Variants in MSN observed in about 807,000 individuals in gnomAD.
MSN encodes epididymis luminal protein 70.
In MSN, 2 loss-of-function variants were observed where a neutral mutation model predicts 48.0. The observed-to-expected ratio is 0.04, with a 90% CI of 0.02 to 0.13. MSN has a LOEUF of 0.13. Among genes scored for constraint, MSN ranks in the 10% least tolerant of loss-of-function variants. MSN has a pLI of 1.00. For synonymous variants in MSN, 146 were observed against 166.9 expected, an observed-to-expected ratio of 0.87 and a Z score of 0.97; for missense variants, 267 against 470.1, an observed-to-expected ratio of 0.57 and a Z score of 3.99.
intron 1 of MSN, among the ~76,000 whole-genome samples, chrX:65,690,741 C>T (rs932871893): frequency 9.0e-6 from 1 of 111,551 alleles, no homozygotes; most frequent in Non-Finnish European, 1.9e-5. Flanking sequence ...TCTCTGCTTC[C>T]TGCTTCAGCT....
intron 1 of MSN, among the ~76,000 whole-genome samples, chrX:65,693,760 T>C (rs779341114): frequency 3.6e-5 from 4 of 112,210 alleles, no homozygotes; most frequent in Non-Finnish European, 7.5e-5. Context: ...ATCTTTAAAA[T>C]GGAGGATAGT....
chrX:65,719,164 A>G (rs2071494058), intron 2 of MSN, among the ~76,000 whole-genome samples: 1 of 112,053 alleles, frequency 8.9e-6, no homozygotes, highest in Non-Finnish European at 1.9e-5. Context: ...GTTATATTGG[A>G]GAACTTTTAA....
At chrX:65,704,952 G>A (rs557038025) in intron 1 of MSN, among the ~76,000 whole-genome samples, 1 of 110,004 alleles carries the variant, frequency 9.1e-6, no homozygotes, top group African/African-American at 3.3e-5. Context: ...TGTATTTTTA[G>A]GAGAAACAGG....
chrX:65,621,217 G>T (rs5964991), intron 1 of MSN, among the ~76,000 whole-genome samples: 12,429 of 111,391 alleles, frequency 0.11, 1,706 homozygotes, highest in African/African-American at 0.38. Context: ...GCCCTGCCCA[G>T]ATTGATACTT....
At chrX:65,723,760 G>A (rs1376444951) in intron 2 of MSN, among the ~76,000 whole-genome samples, 7 of 111,817 alleles carry the variant, frequency 6.3e-5, no homozygotes, top group Non-Finnish European at 1.3e-4. Context: ...ATGGGCCTTA[G>A]AGATTTCCTT....
intron 1 of MSN, among the ~76,000 whole-genome samples, chrX:65,638,062 T>C (rs1011772463): frequency 6.2e-5 from 7 of 112,404 alleles, no homozygotes; most frequent in Non-Finnish European, 1.9e-5. Flanking sequence ...ACCTGCTAGA[T>C]CATGGATTGT....
Position 65,737,257 on chromosome X carries a change from C to A in MSN, c.1170C>A (p.Ala390=). ...KRAQSEAEKL[A]KERQEAEEAK... ...CCCAGAGCGAGGCTGAAAAGCTGGC[C>A]AAGGAGCGTCAAGAAGCTGAAGAGG... The change falls in exon 10 of 13, where the codon GCC becomes GCA. Residue 390 remains alanine (A), a synonymous_variant. Coordinates refer to ENST00000360270, the MANE Select transcript of MSN (RefSeq NM_002444.3). 1 of 1,210,503 alleles carries A rather than the reference C, an allele frequency of 8.3e-7. No individual in the cohort carries two copies. Among genetic ancestry groups the A allele is most frequent in the Non-Finnish European group, 1.1e-6 (1 of 895,078 alleles).
intron 1 of MSN, among the ~76,000 whole-genome samples, chrX:65,637,640 C>A (rs2070615868): frequency 9.1e-6 from 1 of 110,412 alleles, no homozygotes; most frequent in South Asian, 3.9e-4. Flanking sequence ...GTCTAGAATT[C>A]TCTTTTACCA....
At chrX:65,653,579 C>T (rs765380542) in intron 1 of MSN, among the ~76,000 whole-genome samples, 2 of 109,373 alleles carry the variant, frequency 1.8e-5, no homozygotes, top group African/African-American at 6.7e-5. Flanking sequence ...CAGATTAGGC[C>T]GAACAACACA....
At chrX:65,703,256 T>G (rs1317010892) in intron 1 of MSN, among the ~76,000 whole-genome samples, 1 of 111,680 alleles carries the variant, frequency 9.0e-6, no homozygotes, top group East Asian at 2.8e-4. Flanking sequence ...ATTTTTATTT[T>G]TATTACTGTT....
chrX:65,641,592 A>G (rs2070653395), intron 1 of MSN, among the ~76,000 whole-genome samples: 2 of 63,962 alleles, frequency 3.1e-5, no homozygotes, highest in African/African-American at 6.8e-5. Flanking sequence ...ATATATATAT[A>G]TATATATATT....
Position 65,670,026 on chromosome X carries a change from A to G in MSN, c.12+2173A>G, listed in dbSNP as rs2300489. On this transcript the variant is annotated intron_variant, in intron 1 of 12. Coordinates refer to ENST00000360270, the MANE Select transcript of MSN (RefSeq NM_002444.3). ...CTTTCTTGCTCCAAACAAATTGCCC[A>G]CTGTTCTCAGACCTTTATGGTCCTC... Among the ~76,000 whole-genome samples the G allele has an allele frequency of 4.5e-5, 5 of 111,382 alleles. No individual in the cohort carries two copies. The East Asian group carries it at 1.4e-3, about 31-fold the overall frequency.
chrX:65,644,759 A>G (rs1244674995), intron 1 of MSN, among the ~76,000 whole-genome samples: 6 of 111,537 alleles, frequency 5.4e-5, no homozygotes, highest in Admixed American at 2.9e-4. Flanking sequence ...AACATGTCCA[A>G]TGACCCAGAG....
intron 1 of MSN, among the ~76,000 whole-genome samples, chrX:65,620,094 A>G (rs956358634): frequency 1.8e-5 from 2 of 112,193 alleles, no homozygotes; most frequent in Non-Finnish European, 3.8e-5. Flanking sequence ...TGCTGGGAGA[A>G]CCACTGCTCT....
At chrX:65,588,406 C>A (rs777487433) in exon 1 of MSN, 5 of 237,495 alleles carry the variant, frequency 2.1e-5, no homozygotes, top group African/African-American at 5.8e-5. Flanking sequence ...GAAGAAGAGG[C>A]GCCCGGAAAA....
chrX:65,736,002 C>G lies in MSN; in HGVS notation c.959+572C>G, dbSNP rs1036867014. 6.3e-5 allele frequency among the ~76,000 whole-genome samples: 7 copies of G among 111,697 alleles called. No individual in the cohort carries two copies. The East Asian group carries it at 1.7e-3, about 27-fold the overall frequency. ...GGGCAAGAAAAAGCAAAAGCAAATA[C>G]TTATTCCAGATTTGTAACAGACTCT... On this transcript the variant is annotated intron_variant, in intron 8 of 12. Transcript: ENST00000360270.
In MSN at chrX:65,631,357, G is replaced by A. The variant is rs1215716098; in HGVS notation, c.-22+42745G>A. Among the ~76,000 whole-genome samples, 4 of 110,890 alleles carry A rather than the reference G, an allele frequency of 3.6e-5. No homozygotes were observed. In the East Asian group the frequency reaches 1.1e-3, roughly 31 times the overall value. On this transcript the variant is annotated intron_variant, in intron 1 of 3. Transcript: ENST00000609672. ...GATCTGCCCACCTCGGCCTCCCAAA[G>A]TGATGAGATTACAGATGTGAGCCAC...
chrX:65,711,441 C>T (rs893645133), intron 1 of MSN, among the ~76,000 whole-genome samples: 2 of 111,899 alleles, frequency 1.8e-5, no homozygotes, highest in East Asian at 5.6e-4. Flanking sequence ...AGTAATTCGC[C>T]CGCCTTGGCC....
intron 2 of MSN, among the ~76,000 whole-genome samples, chrX:65,720,923 G>C (rs1166130142): frequency 1.8e-5 from 2 of 112,202 alleles, no homozygotes; most frequent in African/African-American, 6.5e-5. Flanking sequence ...CTAGAGGGGA[G>C]AGAGAACATG....
Sources: gnomAD v4.1 joint callset for allele counts (sites outside exome capture counted in the v4.1 genomes callset) on GRCh38, gnomAD v4.1.1 for gene constraint, MANE v1.5 for transcripts, NCBI Gene and HGNC (gene_info 2026-07-23, HGNC 2026-07-21) for gene names.